SNW1: variants seen among roughly 807,000 people sequenced by gnomAD.
SNW1 encodes SNW domain containing 1, also known as SNW domain-containing protein 1.
SNW1 carries 9 observed loss-of-function variants against 75.6 expected under a neutral mutation model. The ratio of observed to expected loss-of-function variants is 0.12; its 90% CI spans 0.07 to 0.21. SNW1 has a LOEUF of 0.21. SNW1 is among the 10% of genes least tolerant of loss of function. SNW1 has a pLI of 1.00. For synonymous variants in SNW1, 200 were observed against 219.1 expected (o/e 0.91, Z 0.77); for missense variants, 409 against 670.9 (o/e 0.61, Z 4.31).
Position 77,751,375 on chromosome 14 carries a change from A to C in SNW1, c.274T>G (p.Ser92Ala). Residue 92 changes from serine to alanine, a missense_variant, in exon 3 of 14, where the codon TCT becomes GCT. Around this residue, in one of 9 missense-constraint regions of SNW1, gnomAD observed 60 missense variants for 62.6 expected, o/e 0.96. Transcript: ENST00000261531. The part of the protein sequence containing the change: ...MSNALAIQVD[S>A]EGKIKYDAIA... Reference sequence around the variant, plus strand: ...GCATCATATTTAATTTTTCCTTCAGAATCCACCTGAATGGCCAGCGCATTC... The same window carrying C: ...GCATCATATTTAATTTTTCCTTCAGCATCCACCTGAATGGCCAGCGCATTC... 6.2e-7 allele frequency: 1 copy of C among 1,613,860 alleles called. No homozygotes were observed. The highest frequency in any genetic ancestry group is 8.5e-7 in the Non-Finnish European group (1 of 1,179,898).
chr14:77,749,628 A>G (rs575099618), intron 3 of SNW1, among the ~76,000 whole-genome samples: 5 of 152,236 alleles, frequency 3.3e-5, no homozygotes, highest in South Asian at 2.1e-4. Context: ...TTCACCGGGC[A>G]TGGTGGCAGG....
intron 10 of SNW1, among the ~76,000 whole-genome samples, chr14:77,727,770 T>A (rs565305244): frequency 1.1e-4 from 16 of 152,322 alleles, no homozygotes; most frequent in African/African-American, 3.8e-4. Flanking sequence ...TGATATTTTT[T>A]AATGTGTTGA....
chr14:77,751,439 G>A lies in SNW1; in HGVS notation c.210C>T (p.Ala70=), dbSNP rs1042103622. The change falls in exon 3 of 14, where the codon GCC becomes GCT. Residue 70 remains alanine, a synonymous_variant. Coordinates refer to ENST00000261531, the MANE Select transcript of SNW1 (RefSeq NM_012245.3). ...DGGAFPEIHV[A]QYPLDMGRKK... ...TTCGTCCCATATCCAGTGGATACTG[G>A]GCCACATGGATCTCTGGAAAAGCAC... 6.2e-7 allele frequency: 1 copy of A among 1,612,394 alleles called. No individual in the cohort carries two copies. The highest frequency in any genetic ancestry group is 1.1e-5 in the South Asian group (1 of 90,702).
At chr14:77,736,328 G>C (rs569873702) in intron 6 of SNW1, among the ~76,000 whole-genome samples, 4 of 152,028 alleles carry the variant, frequency 2.6e-5, no homozygotes, top group Non-Finnish European at 5.9e-5. Flanking sequence ...TGGGCAGATC[G>C]CCTGACGTCA....
At chr14:77,752,335 C>T (rs2080815356) in intron 2 of SNW1, among the ~76,000 whole-genome samples, 1 of 152,050 alleles carries the variant, frequency 6.6e-6, no homozygotes, top group Non-Finnish European at 1.5e-5. Context: ...AGAACTGAGA[C>T]TGCTAAAGTA....
At chr14:77,760,790 G>T (rs1291022302) in intron 1 of SNW1, 1 of 707,228 alleles carries the variant, frequency 1.4e-6, no homozygotes, top group Non-Finnish European at 2.6e-6. Flanking sequence ...ACCCCATCTC[G>T]TTCGCCCGAG....
chr14:77,739,892 T>C (rs1158250094), intron 3 of SNW1, among the ~76,000 whole-genome samples: 4 of 151,952 alleles, frequency 2.6e-5, no homozygotes, highest in Admixed American at 6.6e-5. Context: ...CCCAGCACTT[T>C]GGGAGGCTGA....
chr14:77,731,339 G>T (rs370318422), intron 9 of SNW1, among the ~76,000 whole-genome samples: 1 of 152,238 alleles, frequency 6.6e-6, no homozygotes, highest in East Asian at 1.9e-4. Context: ...ATATTTTAGT[G>T]ATTGAAACTA....
chr14:77,720,502 C>G, intron 12 of SNW1: 1 of 710,244 alleles, frequency 1.4e-6, no homozygotes, highest in Non-Finnish European at 2.6e-6. Flanking sequence ...CACCTAATTT[C>G]TTTCTTCTCC....
At chr14:77,740,053 T>G (rs938303920) in intron 3 of SNW1, among the ~76,000 whole-genome samples, 10 of 149,592 alleles carry the variant, frequency 6.7e-5, no homozygotes, top group Non-Finnish European at 1.2e-4. Flanking sequence ...AGAATGGCTT[T>G]AACCCGGGAG....
At chr14:77,723,319 A>G in intron 10 of SNW1, 42 bp from the exon 11 acceptor site, 2 of 1,372,748 alleles carry the variant, frequency 1.5e-6, no homozygotes, top group Non-Finnish European at 2.1e-6. Flanking sequence ...AATATGTATT[A>G]TATGTGTGCA....
At chr14:77,738,940 C>T (rs765894019) in intron 4 of SNW1, 26 bp downstream of exon 4, 35 of 1,608,660 alleles carry the variant, frequency 2.2e-5, no homozygotes, top group South Asian at 5.5e-5. Context: ...TGTAAATAGT[C>T]ATCGAATATA....
chr14:77,732,896 T>C (rs2080638505), intron 8 of SNW1, among the ~76,000 whole-genome samples: 1 of 152,196 alleles, frequency 6.6e-6, no homozygotes, highest in Non-Finnish European at 1.5e-5. Flanking sequence ...ATTCCTGACC[T>C]TGAGTGATCC....
chr14:77,734,084 CTTCT>C (rs1297057867), intron 8 of SNW1: 1 of 210,298 alleles, frequency 4.8e-6, no homozygotes, highest in Non-Finnish European at 1.0e-5. Flanking sequence ...CTGAAATGGT[CTTCT>C]TTATCCATCA....
intron 3 of SNW1, among the ~76,000 whole-genome samples, chr14:77,747,230 C>A (rs2080767694): frequency 6.6e-6 from 1 of 152,162 alleles, no homozygotes; most frequent in Non-Finnish European, 1.5e-5. Context: ...TCAATGTTGC[C>A]CAGGCTGGAG....
At chr14:77,751,847 A>ACACAC (rs1566836257) in intron 2 of SNW1, among the ~76,000 whole-genome samples, 49 of 124,918 alleles carry the variant, frequency 3.9e-4, no homozygotes, top group African/African-American at 1.2e-3. Flanking sequence ...CACACACACC[A>ACACAC]CACACACACA....
At chr14:77,725,951 C>A (rs1429528997) in intron 10 of SNW1, among the ~76,000 whole-genome samples, 1 of 152,058 alleles carries the variant, frequency 6.6e-6, no homozygotes, top group East Asian at 1.9e-4. Context: ...TATAGCCGAT[C>A]CATTTATTTC....
At chr14:77,730,930 A>T in intron 10 of SNW1, 58 bp downstream of exon 10, 1 of 1,566,098 alleles carries the variant, frequency 6.4e-7, no homozygotes, top group Non-Finnish European at 8.6e-7. Flanking sequence ...AGATTTTCTA[A>T]AATAAGATAT....
At chr14:77,756,928 G>A (rs2080846210) in intron 1 of SNW1, among the ~76,000 whole-genome samples, 1 of 152,150 alleles carries the variant, frequency 6.6e-6, no homozygotes, top group Non-Finnish European at 1.5e-5. Flanking sequence ...AAGAATCAAA[G>A]CAGAAGCCCT....
Sources: gnomAD v4.1 joint callset for allele counts (sites outside exome capture counted in the v4.1 genomes callset) on GRCh38, gnomAD v4.1.1 for gene constraint, gnomAD v4.1.1 regional missense constraint, MANE v1.5 for transcripts, NCBI Gene and HGNC (gene_info 2026-07-23, HGNC 2026-07-21) for gene names.